SCAPER: variants seen among roughly 807,000 people sequenced by gnomAD.
SCAPER encodes the protein S phase cyclin A-associated protein in the endoplasmic reticulum.
SCAPER carries 98 observed loss-of-function variants against 182.2 expected under a neutral mutation model. That is an observed-to-expected ratio of 0.54 (90% CI 0.46 to 0.64). The LOEUF (loss-of-function observed/expected upper bound fraction) is 0.64. Among genes scored for constraint, SCAPER ranks in the 30% least tolerant of loss-of-function variants. The pLI, the probability that SCAPER is intolerant of heterozygous loss-of-function variation, is 0.00. For missense variants in SCAPER, 1,432 were observed against 1,690.0 expected, an observed-to-expected ratio of 0.85 and a Z score of 2.68; for synonymous variants, 605 against 564.6, an observed-to-expected ratio of 1.07 and a Z score of -1.01.
rs180693878 is a variant in SCAPER, at chr15:76,431,779, A to C, written c.3311+2299T>G. Among the ~76,000 whole-genome samples, 400 of 151,786 alleles carry C rather than the reference A, an allele frequency of 2.6e-3. 3 individuals carry two copies. Among genetic ancestry groups the C allele is most frequent in the African/African-American group, 9.3e-3 (384 of 41,340 alleles). Reference sequence around the variant, plus strand: ...CACAGTCCTCACCAAGCCAAATAACAATGCATTATCTGTAAGAAAACAATA... The same window carrying C: ...CACAGTCCTCACCAAGCCAAATAACCATGCATTATCTGTAAGAAAACAATA... On this transcript the variant is annotated intron_variant, in intron 26 of 31. Coordinates refer to ENST00000563290, the MANE Select transcript of SCAPER (RefSeq NM_020843.4).
At chr15:76,720,998 C>T (rs2060204981) in intron 17 of SCAPER, among the ~76,000 whole-genome samples, 2 of 152,064 alleles carry the variant, frequency 1.3e-5, no homozygotes, top group Admixed American at 1.3e-4. Context: ...GAAGTCCTTG[C>T]CCATGCCTAT....
At chr15:76,461,114 CT>C (rs1294239334) in intron 25 of SCAPER, among the ~76,000 whole-genome samples, 1 of 151,942 alleles carries the variant, frequency 6.6e-6, no homozygotes, top group East Asian at 1.9e-4. Flanking sequence ...TAAAATGCCC[CT>C]TAATTTTTGG....
At chr15:76,768,497 T>C (rs2063241628) in intron 10 of SCAPER, among the ~76,000 whole-genome samples, 1 of 152,014 alleles carries the variant, frequency 6.6e-6, no homozygotes, top group Non-Finnish European at 1.5e-5. Context: ...CAAAATTATA[T>C]AGAGAGAAAG....
In SCAPER at chr15:76,351,294, T is replaced by G. The variant is rs751184830; in HGVS notation, c.4048-6A>C. ...CCTGGAGTCTGTGCCAAATCCTGTA[T>G]GAGGAGAGAAAAGTGTTTTTCTATC... On this transcript the variant is annotated splice_region_variant and splice_polypyrimidine_tract_variant and intron_variant, in intron 30 of 31. Transcript: ENST00000563290. The G allele has an allele frequency of 1.2e-6, 2 of 1,606,426 alleles. No homozygotes were observed. The highest frequency in any genetic ancestry group is 3.4e-5 in the Admixed American group (2 of 58,994).
At position 76,599,960 on chromosome 15, in the gene SCAPER, A is replaced by G. The variant is rs1461285548; in HGVS notation, c.2711+21804T>C. Among the ~76,000 whole-genome samples the G allele has an allele frequency of 1.6e-5, 2 of 122,070 alleles. 1 individual carries two copies. Among genetic ancestry groups the G allele is most frequent in the Non-Finnish European group, 4.0e-5 (2 of 50,300 alleles). The allele number at this position is 122,070 out of a possible 152,430, so 80.1% of individuals were successfully genotyped here. ...CAAGGATAAATAATGAACTTGAGTT[A>G]ATAACATGCATGTTGAAATACTGGA... On this transcript the variant is annotated intron_variant, in intron 22 of 31. Transcript: ENST00000563290.
At chr15:76,745,809 T>C (rs2061763460) in intron 15 of SCAPER, among the ~76,000 whole-genome samples, 1 of 152,138 alleles carries the variant, frequency 6.6e-6, no homozygotes, top group Non-Finnish European at 1.5e-5. Context: ...TATCACAAAA[T>C]GAGAATACTA....
chr15:76,825,229 A>G (rs1305302168), intron 5 of SCAPER, among the ~76,000 whole-genome samples: 1 of 152,154 alleles, frequency 6.6e-6, no homozygotes, highest in Non-Finnish European at 1.5e-5. Context: ...TCATTTATGA[A>G]CACAAAGGTT....
At chr15:76,537,571 G>T (rs950744098) in intron 23 of SCAPER, among the ~76,000 whole-genome samples, 161 of 152,212 alleles carry the variant, frequency 1.1e-3, no homozygotes, top group African/African-American at 2.3e-3. Flanking sequence ...ATTAATTCAA[G>T]ATGGATTAAA....
chr15:76,657,913 C>T (rs180820643), intron 21 of SCAPER, among the ~76,000 whole-genome samples: 8 of 152,118 alleles, frequency 5.3e-5, no homozygotes, highest in African/African-American at 7.2e-5. Flanking sequence ...AAGGAATATG[C>T]CTCAAAATAA....
At chr15:76,889,177 G>A (rs2074025101) in intron 1 of SCAPER, among the ~76,000 whole-genome samples, 1 of 152,166 alleles carries the variant, frequency 6.6e-6, no homozygotes, top group Admixed American at 6.5e-5. Context: ...CCTGAAGGAA[G>A]CACTAAACAT....
intron 15 of SCAPER, among the ~76,000 whole-genome samples, chr15:76,734,326 A>T (rs775633895): frequency 2.6e-5 from 4 of 152,170 alleles, no homozygotes; most frequent in Non-Finnish European, 5.9e-5. Flanking sequence ...GCCAGAGCGG[A>T]GGGTATGCTA....
intron 22 of SCAPER, 76 bp from the exon 23 acceptor site, chr15:76,574,360 A>C (rs1224697318): frequency 6.7e-7 from 1 of 1,495,580 alleles, no homozygotes; most frequent in Non-Finnish European, 9.0e-7. Context: ...ACACTTTGAA[A>C]CACAAGTTAC....
chr15:76,503,405 G>T (rs1346189929), intron 24 of SCAPER, among the ~76,000 whole-genome samples: 3 of 152,120 alleles, frequency 2.0e-5, no homozygotes, highest in African/African-American at 7.2e-5. Context: ...CTGACTTAAA[G>T]AATACCTATA....
At chr15:76,685,135 T>A (rs1598149155) in intron 20 of SCAPER, among the ~76,000 whole-genome samples, 1 of 151,922 alleles carries the variant, frequency 6.6e-6, no homozygotes, top group African/African-American at 2.4e-5. Flanking sequence ...AACAAATCCA[T>A]AAGCCAATAT....
At chr15:76,730,467 T>C (rs566174795) in intron 16 of SCAPER, among the ~76,000 whole-genome samples, 1 of 152,132 alleles carries the variant, frequency 6.6e-6, no homozygotes, top group African/African-American at 2.4e-5. Context: ...TAGCTATTTC[T>C]CATGACTAAT....
At chr15:76,759,965 T>C (rs956129444) in intron 14 of SCAPER, among the ~76,000 whole-genome samples, 2 of 152,210 alleles carry the variant, frequency 1.3e-5, no homozygotes, top group Non-Finnish European at 2.9e-5. Flanking sequence ...AGAGTGATGC[T>C]GGCCTCATAA....
At chr15:76,600,171 T>G (rs1370686291) in intron 22 of SCAPER, among the ~76,000 whole-genome samples, 2 of 120,196 alleles carry the variant, frequency 1.7e-5, no homozygotes, top group African/African-American at 2.5e-5. Flanking sequence ...TTTGAAAAAT[T>G]TCATGCTAGA....
chr15:76,605,283 T>C (rs2050285306), intron 22 of SCAPER, among the ~76,000 whole-genome samples: 1 of 152,170 alleles, frequency 6.6e-6, no homozygotes, highest in African/African-American at 2.4e-5. Flanking sequence ...GAGATAATCA[T>C]GTGGTTTTTG....
intron 25 of SCAPER, among the ~76,000 whole-genome samples, chr15:76,450,943 T>C (rs1055105201): frequency 2.0e-5 from 3 of 152,222 alleles, no homozygotes; most frequent in East Asian, 1.9e-4. Flanking sequence ...TACGCGTCTA[T>C]GTAAGAACCA....
Sources: gnomAD v4.1 joint callset for allele counts (sites outside exome capture counted in the v4.1 genomes callset) on GRCh38, gnomAD v4.1.1 for gene constraint, MANE v1.5 for transcripts, NCBI Gene and HGNC (gene_info 2026-07-23, HGNC 2026-07-21) for gene names.